PUF60: variants seen among roughly 807,000 people sequenced by gnomAD.
The protein encoded by PUF60 is poly(U) binding splicing factor 60.
PUF60 carries 10 observed loss-of-function variants against 61.8 expected under a neutral mutation model. The observed-to-expected ratio is 0.16, with a 90% confidence interval of 0.10 to 0.27. The LOEUF is 0.27. Among genes scored for constraint, PUF60 ranks in the 10% least tolerant of loss-of-function variants. PUF60 has a pLI of 1.00. For synonymous variants in PUF60, 353 were observed against 300.9 expected (o/e 1.17, Z -1.79); for missense variants, 371 against 754.0 (o/e 0.49, Z 5.95).
chr8:143,827,424 C>T (rs1817754784), intron 1 of PUF60: 2 of 456,288 alleles, frequency 4.4e-6, no homozygotes, highest in Non-Finnish European at 8.8e-6. Flanking sequence ...TCTGCAGCCA[C>T]CAGGCAGAAG....
At chr8:143,819,617 G>T (rs558145090) in intron 5 of PUF60, among the ~76,000 whole-genome samples, 7 of 152,304 alleles carry the variant, frequency 4.6e-5, no homozygotes, top group African/African-American at 1.7e-4. Context: ...CCCAAGGTGA[G>T]ATATCTTCCT....
intron 5 of PUF60, among the ~76,000 whole-genome samples, chr8:143,819,451 A>G (rs1288326926): frequency 6.6e-6 from 1 of 152,206 alleles, no homozygotes; most frequent in African/African-American, 2.4e-5. Flanking sequence ...AGGGCAGGCA[A>G]AGCAGACAGC....
In PUF60 at chr8:143,817,018, C is replaced by G. The variant is rs373153466; in HGVS notation, c.1272G>C (p.Leu424=). Residue 424 remains leucine (L), a synonymous_variant, in exon 11 of 12, where the codon CTG becomes CTC. Transcript: ENST00000526683. The surrounding 1 kb of genome is among the most constrained non-coding windows in gnomAD (Gnocchi z 7.4). ...TCTCTGGCCGCTCTGACTCGGGAAACAGCTCCTCTTCTTCCTTCTCCTTCT... is the reference window on the plus strand; with the variant it reads ...TCTCTGGCCGCTCTGACTCGGGAAAGAGCTCCTCTTCTTCCTTCTCCTTCT... ...EPKKEKEEEE[L]FPESERPEML... The G allele has an allele frequency of 3.1e-6, 5 of 1,609,666 alleles. No homozygotes were observed. The highest frequency in any genetic ancestry group is 4.2e-6 in the Non-Finnish European group (5 of 1,178,350).
intron 1 of PUF60, 109 bp downstream of exon 1, chr8:143,829,171 G>A: frequency 8.2e-7 from 1 of 1,224,056 alleles, no homozygotes; most frequent in Non-Finnish European, 1.0e-6. Flanking sequence ...GTCCGCGCGG[G>A]ACCTGGGAAG....
intron 2 of PUF60, among the ~76,000 whole-genome samples, chr8:143,822,279 C>T (rs754466210): frequency 3.3e-5 from 5 of 152,200 alleles, no homozygotes; most frequent in Admixed American, 6.5e-5. Flanking sequence ...CAGCCTCAGC[C>T]GTCCTCCAAG....
chr8:143,822,194 G>A (rs896185048), intron 2 of PUF60, among the ~76,000 whole-genome samples: 3 of 152,166 alleles, frequency 2.0e-5, no homozygotes, highest in African/African-American at 7.2e-5. Flanking sequence ...ATAAACAGCT[G>A]GAGGCAGAAA....
At chr8:143,819,658 G>C (rs1171827105) in intron 5 of PUF60, among the ~76,000 whole-genome samples, 1 of 152,164 alleles carries the variant, frequency 6.6e-6, no homozygotes, top group Non-Finnish European at 1.5e-5. Flanking sequence ...AAACGAGACT[G>C]TGTTCTCCTC....
chr8:143,826,416 T>A (rs533484893), intron 1 of PUF60, among the ~76,000 whole-genome samples: 1 of 152,056 alleles, frequency 6.6e-6, no homozygotes, highest in Non-Finnish European at 1.5e-5. Flanking sequence ...AAAAAAGATT[T>A]TTTTAAAAAG....
At chr8:143,822,252 A>C (rs557072425) in intron 2 of PUF60, among the ~76,000 whole-genome samples, 66 of 152,050 alleles carry the variant, frequency 4.3e-4, no homozygotes, top group African/African-American at 1.6e-3. Flanking sequence ...CTGCTATCAC[A>C]TGCCCGGCAG....
At chr8:143,828,058 T>A (rs1817836958) in intron 1 of PUF60, among the ~76,000 whole-genome samples, 1 of 152,242 alleles carries the variant, frequency 6.6e-6, no homozygotes, top group African/African-American at 2.4e-5. Flanking sequence ...CAAAGGTCAC[T>A]TACTCCTGTG....
At chr8:143,822,042 C>T (rs2130339581) in intron 2 of PUF60, 129 bp from the exon 3 acceptor site, 1 of 673,718 alleles carries the variant, frequency 1.5e-6, no homozygotes, top group Non-Finnish European at 2.5e-6. Context: ...TCTGACATTG[C>T]TGTCCCCAGC....
In PUF60 at chr8:143,818,647, C is replaced by T; in HGVS notation, c.349-113G>A. Reference sequence around the variant, plus strand: ...CAGCCCTGCTGTGGGGAGGGCTCCCCACATGACAGGGAGGTGCGGGCTCCA... The same window carrying T: ...CAGCCCTGCTGTGGGGAGGGCTCCCTACATGACAGGGAGGTGCGGGCTCCA... On this transcript the variant is annotated intron_variant, in intron 5 of 11. Transcript: ENST00000526683. The surrounding 1 kb of genome is among the most constrained non-coding windows in gnomAD (Gnocchi z 7.9). 1.7e-6 allele frequency: 2 copies of T among 1,171,790 alleles called. No homozygotes were observed. The highest frequency in any genetic ancestry group is 2.3e-6 in the Non-Finnish European group (2 of 852,102). The allele number at this position is 1,171,790 out of a possible 1,614,324, so 72.6% of individuals were successfully genotyped here. A position where few individuals can be genotyped will look rare whatever the true frequency, so the allele number is the denominator to read the frequency against.
chr8:143,826,310 G>C (rs1817630306), intron 1 of PUF60, among the ~76,000 whole-genome samples: 1 of 152,238 alleles, frequency 6.6e-6, no homozygotes, highest in Admixed American at 6.5e-5. Context: ...TAGGGGCTGG[G>C]CGTGGTGGCT....
At chr8:143,827,117 C>G (rs1011248761) in intron 1 of PUF60, 6 of 320,228 alleles carry the variant, frequency 1.9e-5, no homozygotes, top group South Asian at 1.4e-4. Flanking sequence ...CTGGTGTCAG[C>G]TGCCAGCAAA....
At chr8:143,819,626 C>T (rs1816787212) in intron 5 of PUF60, among the ~76,000 whole-genome samples, 1 of 152,196 alleles carries the variant, frequency 6.6e-6, no homozygotes, top group Non-Finnish European at 1.5e-5. Flanking sequence ...AGATATCTTC[C>T]TTCAAACCAG....
chr8:143,824,561 A>G lies in PUF60; in HGVS notation c.25-162T>C, dbSNP rs1586606893. On this transcript the variant is annotated intron_variant, in intron 1 of 11. Coordinates refer to ENST00000526683, the MANE Select transcript of PUF60 (RefSeq NM_078480.3). ...CCCCAGCCCAAACTGCCCTCTCTTC[A>G]CACCCATCAGCACGCCCAGGGACCC... The G allele has an allele frequency of 4.5e-6, 3 of 673,386 alleles. No homozygotes were observed. In the South Asian group the frequency reaches 5.3e-5, roughly 12 times the overall value. The allele number at this position is 673,386 out of a possible 1,614,324, so 41.7% of individuals were successfully genotyped here.
chr8:143,829,149 G>A, intron 1 of PUF60, 131 bp downstream of exon 1: 3 of 1,210,480 alleles, frequency 2.5e-6, no homozygotes, highest in Non-Finnish European at 3.1e-6. Flanking sequence ...CGCGACCCGG[G>A]GACACGAGGG....
intron 1 of PUF60, chr8:143,826,933 A>ATTG (rs59497439): frequency 0.98 from 180,274 of 183,238 alleles, 88,739 homozygotes; most frequent in East Asian, 1. Flanking sequence ...ACTCATCAGT[A>ATTG]TTAACAACAT....
chr8:143,816,436 G>T lies in PUF60; in HGVS notation c.*84C>A. 1 of 1,458,038 alleles carries T rather than the reference G, an allele frequency of 6.9e-7. No homozygotes were observed. The allele number at this position is 1,458,038 out of a possible 1,614,324, so 90.3% of individuals were successfully genotyped here. On this transcript the variant is annotated 3_prime_UTR_variant, in exon 12 of 12. Transcript: ENST00000526683. ...CTGTAGGCTGGGCTGGGCAGAGCGC[G>T]CCTGGCCCCGGGGACACCACTGTAT...
Sources: allele counts gnomAD v4.1 joint callset (sites outside exome capture counted in the v4.1 genomes callset), GRCh38; gene constraint gnomAD v4.1.1; non-coding constraint Gnocchi (gnomAD v3.1); transcripts MANE v1.5; gene names NCBI Gene and HGNC (gene_info 2026-07-23, HGNC 2026-07-21).